The following PDE1C variants were observed in gnomAD, a reference collection of about 807,000 sequenced individuals.
PDE1C encodes the protein dual specificity calcium/calmodulin-dependent 3',5'-cyclic nucleotide phosphodiesterase 1C.
A neutral mutation model predicts 93.1 loss-of-function variants in PDE1C; 62 were observed. That is an observed-to-expected ratio of 0.67 (90% CI 0.54 to 0.82). The LOEUF is 0.82. Ranked by LOEUF, PDE1C falls within the 40% of genes least tolerant of loss-of-function variation. The probability of loss-of-function intolerance (pLI) is 0.00; values close to 1 mark genes in which losing one functional copy is unlikely to be tolerated. For missense variants in PDE1C, 742 were observed against 884.6 expected (o/e 0.84, Z 2.04); for synonymous variants, 325 against 310.1 (o/e 1.05, Z -0.50).
chr7:32,349,434 C>G (rs1269883311), intron 1 of PDE1C, among the ~76,000 whole-genome samples: 2 of 152,164 alleles, frequency 1.3e-5, no homozygotes, highest in Admixed American at 1.3e-4. Flanking sequence ...GGCTTTAGTT[C>G]TCCCTCTCTG....
At chr7:32,370,760 C>T (rs1323241033) in intron 1 of PDE1C, among the ~76,000 whole-genome samples, 1 of 150,084 alleles carries the variant, frequency 6.7e-6, no homozygotes, top group Non-Finnish European at 1.5e-5. Flanking sequence ...ACGTTGTGCA[C>T]ATGTACCCTA....
chr7:32,313,610 G>A (rs947446535), intron 1 of PDE1C, among the ~76,000 whole-genome samples: 36 of 151,980 alleles, frequency 2.4e-4, no homozygotes, highest in Admixed American at 1.7e-3. Flanking sequence ...GTGGGGACAC[G>A]GATGAAACTG....
At chr7:32,112,411 G>C (rs1240676858) in intron 3 of PDE1C, among the ~76,000 whole-genome samples, 1 of 151,968 alleles carries the variant, frequency 6.6e-6, no homozygotes, top group African/African-American at 2.4e-5. Flanking sequence ...ATTTTATTGA[G>C]ATAACTATCC....
At chr7:31,851,896 T>G (rs1216840307) in intron 7 of PDE1C, among the ~76,000 whole-genome samples, 1 of 152,172 alleles carries the variant, frequency 6.6e-6, no homozygotes, top group African/African-American at 2.4e-5. Context: ...CTCAGTTTGC[T>G]TCATGCACAT....
chr7:32,321,722 T>G (rs1163483667), intron 1 of PDE1C, among the ~76,000 whole-genome samples: 1 of 152,200 alleles, frequency 6.6e-6, no homozygotes, highest in Non-Finnish European at 1.5e-5. Context: ...CACATTCAGT[T>G]TCTATACTTA....
chr7:32,007,780 T>C (rs1004182129), intron 2 of PDE1C, among the ~76,000 whole-genome samples: 6 of 152,198 alleles, frequency 3.9e-5, no homozygotes, highest in African/African-American at 7.2e-5. Flanking sequence ...AAATAAATCA[T>C]TGATTTGTTT....
intron 1 of PDE1C, among the ~76,000 whole-genome samples, chr7:32,380,923 A>G (rs1320247521): frequency 6.6e-6 from 1 of 151,782 alleles, no homozygotes; most frequent in Non-Finnish European, 1.5e-5. Context: ...CACCACACCC[A>G]TGTGAATCAC....
At chr7:32,388,610 C>A (rs1195968126) in intron 1 of PDE1C, among the ~76,000 whole-genome samples, 1 of 130,962 alleles carries the variant, frequency 7.6e-6, no homozygotes, top group Non-Finnish European at 1.5e-5. Context: ...CCCAGGAGGA[C>A]AAGGCTGCAG....
intron 3 of PDE1C, among the ~76,000 whole-genome samples, chr7:32,154,517 C>T (rs62456292): frequency 0.26 from 40,285 of 152,084 alleles, 5,533 homozygotes; most frequent in Middle Eastern, 0.35. Flanking sequence ...ACTACAACCT[C>T]ACTCAGGTTT....
chr7:31,955,069 T>A (rs1286765442), intron 2 of PDE1C, among the ~76,000 whole-genome samples: 1 of 152,212 alleles, frequency 6.6e-6, no homozygotes, highest in Non-Finnish European at 1.5e-5. Context: ...GTCTCTCTCT[T>A]TGTACTTTGA....
At chr7:31,911,336 T>A (rs940081464) in intron 2 of PDE1C, among the ~76,000 whole-genome samples, 8 of 152,138 alleles carry the variant, frequency 5.3e-5, no homozygotes, top group Non-Finnish European at 8.8e-5. Context: ...GAGGCCTATA[T>A]GATATTTGTG....
At chr7:31,803,512 T>A (rs969022874) in intron 16 of PDE1C, among the ~76,000 whole-genome samples, 1 of 151,898 alleles carries the variant, frequency 6.6e-6, no homozygotes, top group Non-Finnish European at 1.5e-5. Context: ...CATTAACTCG[T>A]CGTTTAGCAT....
intron 1 of PDE1C, among the ~76,000 whole-genome samples, chr7:32,061,622 C>T (rs534793173): frequency 5.0e-4 from 76 of 152,338 alleles, no homozygotes; most frequent in Admixed American, 1.2e-3. Context: ...CCAGAAGGTC[C>T]GTGATGAGGG....
intron 17 of PDE1C, among the ~76,000 whole-genome samples, chr7:31,768,513 C>T (rs1450801577): frequency 6.6e-6 from 1 of 152,108 alleles, no homozygotes; most frequent in Non-Finnish European, 1.5e-5. Flanking sequence ...TATTATGTTT[C>T]CATTATTTTA....
intron 2 of PDE1C, among the ~76,000 whole-genome samples, chr7:32,174,290 A>G (rs1802841516): frequency 6.6e-6 from 1 of 152,082 alleles, no homozygotes; most frequent in African/African-American, 2.4e-5. Context: ...TCAATGTGCC[A>G]GGTTTCATTC....
chr7:32,280,758 C>T (rs1039076647), intron 1 of PDE1C, among the ~76,000 whole-genome samples: 1 of 152,108 alleles, frequency 6.6e-6, no homozygotes. Flanking sequence ...GAAGCTGAGG[C>T]GGGAGGATTG....
the PDE1C span, among the ~76,000 whole-genome samples, chr7:31,623,599 G>A: frequency 0.27 from 40,308 of 147,502 alleles, 6,145 homozygotes; most frequent in Non-Finnish European, 0.33. Context: ...TTGATGGGAC[G>A]TATCTCAAAA....
the PDE1C span, among the ~76,000 whole-genome samples, chr7:31,655,476 T>C: frequency 6.6e-6 from 1 of 152,202 alleles, no homozygotes; most frequent in Non-Finnish European, 1.5e-5. Flanking sequence ...TCAGCCACCA[T>C]GTGGGTCATA....
Position 31,914,769 on chromosome 7 carries a change from G to C in PDE1C, c.129-33909C>G, listed in dbSNP as rs1026410637. 1.3e-5 allele frequency among the ~76,000 whole-genome samples: 2 copies of C among 152,222 alleles called. 1 individual carries two copies. Among genetic ancestry groups the C allele is most frequent in the Middle Eastern group, 6.8e-3 (2 of 294 alleles). On this transcript the variant is annotated intron_variant, in intron 2 of 17. Transcript: ENST00000396191. The stretch of plus-strand genomic sequence containing the variant: ...TTTCTTCTATTTTAAATGCTGCCTT[G>C]TACCATTTATAATAGCAAAAATTGC...
Sources: gnomAD v4.1 joint callset for allele counts (sites outside exome capture counted in the v4.1 genomes callset) on GRCh38, gnomAD v4.1.1 for gene constraint, MANE v1.5 for transcripts, NCBI Gene and HGNC (gene_info 2026-07-23, HGNC 2026-07-21) for gene names.